The following CHIC2 variants were observed in gnomAD, a reference collection of about 807,000 sequenced individuals.
The protein encoded by CHIC2 is cysteine-rich hydrophobic domain-containing protein 2.
A neutral mutation model predicts 25.9 loss-of-function variants in CHIC2; 14 were observed. That is an observed-to-expected ratio of 0.54 (90% confidence interval 0.36 to 0.85). The LOEUF (loss-of-function observed/expected upper bound fraction) is 0.85, where lower values mean the gene tolerates loss of function less well. Among genes scored for constraint, CHIC2 ranks in the 40% least tolerant of loss-of-function variants. The pLI is 0.01. For synonymous variants in CHIC2, 70 were observed against 72.0 expected (o/e 0.97, Z 0.14); for missense variants, 146 against 202.0 (o/e 0.72, Z 1.68).
At chr4:54,075,695 AGGCACCTGCC>A in the CHIC2 span, among the ~76,000 whole-genome samples, 2 of 152,134 alleles carry the variant, frequency 1.3e-5, no homozygotes, top group Non-Finnish European at 2.9e-5. Context: ...CTGGGATTAC[AGGCACCTGCC>A]ACCATGGCTG....
chr4:54,087,114 ACTT>A, the CHIC2 span: 1 of 898,108 alleles, frequency 1.1e-6, no homozygotes, highest in African/African-American at 1.6e-5. Flanking sequence ...TCTGCAGAGA[ACTT>A]CTTAGCTTCA....
At chr4:54,073,965 G>A in the CHIC2 span, among the ~76,000 whole-genome samples, 1 of 152,220 alleles carries the variant, frequency 6.6e-6, no homozygotes, top group East Asian at 1.9e-4. Flanking sequence ...GACCATCCTG[G>A]CCAACTTGGT....
chr4:54,064,353 C>G lies in CHIC2; in HGVS notation c.-53G>C, dbSNP rs1577991950. 2.5e-6 allele frequency: 4 copies of G among 1,606,562 alleles called. No homozygotes were observed. Among genetic ancestry groups the G allele is most frequent in the Admixed American group, 3.4e-5 (2 of 58,912 alleles). On this transcript the variant is annotated 5_prime_UTR_variant, in exon 1 of 6. Coordinates refer to ENST00000263921, the MANE Select transcript of CHIC2 (RefSeq NM_012110.4). This position sits in a 1 kb window ranked among gnomAD's most constrained non-coding sequence, Gnocchi z 4.2. ...AGGGCCTGACTCCCGGGGTTGGCGC[C>G]GGGGTACCGGCGGGCGAGGCGGCGG...
At chr4:54,015,314 A>G (rs1715707285) in intron 3 of CHIC2, among the ~76,000 whole-genome samples, 1 of 152,100 alleles carries the variant, frequency 6.6e-6, no homozygotes, top group Non-Finnish European at 1.5e-5. Context: ...TTATTACATT[A>G]CTTTTTCTGA....
At position 54,064,523 on chromosome 4, in the gene CHIC2, A is replaced by C; in HGVS notation, c.-223T>G. 21 of 1,380,676 alleles carry C rather than the reference A, an allele frequency of 1.5e-5. No homozygotes were observed. Among genetic ancestry groups the C allele is most frequent in the East Asian group, 8.7e-5 (3 of 34,342 alleles). The allele number at this position is 1,380,676 out of a possible 1,614,324, so 85.5% of individuals were successfully genotyped here. ...TACCATCAGCAATAACAACAACACA[A>C]TGTCAACATCCGCCCAGAGGCCGAC... On this transcript the variant is annotated 5_prime_UTR_variant, in exon 1 of 6. Coordinates refer to ENST00000263921, the MANE Select transcript of CHIC2 (RefSeq NM_012110.4). The surrounding 1 kb of genome is among the most constrained non-coding windows in gnomAD (Gnocchi z 4.2).
intron 3 of CHIC2, among the ~76,000 whole-genome samples, chr4:54,021,193 C>T (rs137938106): frequency 1.3e-5 from 2 of 152,150 alleles, no homozygotes; most frequent in South Asian, 2.1e-4. Context: ...AATACAAACT[C>T]GATAATGGTT....
intron 1 of CHIC2, among the ~76,000 whole-genome samples, chr4:54,057,769 G>A (rs1253131918): frequency 6.6e-6 from 1 of 152,022 alleles, no homozygotes; most frequent in Non-Finnish European, 1.5e-5. Flanking sequence ...CAAAGATTAA[G>A]CAAAAAATAC....
intron 3 of CHIC2, among the ~76,000 whole-genome samples, chr4:54,037,378 C>T (rs1372766240): frequency 6.6e-6 from 1 of 151,904 alleles, no homozygotes; most frequent in Non-Finnish European, 1.5e-5. Context: ...AAAAATAAAA[C>T]AAGAAGACAA....
At position 54,038,587 on chromosome 4, in the gene CHIC2, T is replaced by TTG. The variant is rs1171392787; in HGVS notation, c.330+10367_330+10368insCA. ...TAAATTGAATGTAATTCCAATCAAA[T>TTG]ACCAGTGTTTCTTATAGATATTTGA... On this transcript the variant is annotated intron_variant, in intron 3 of 5. Transcript: ENST00000263921. Among the ~76,000 whole-genome samples, 15 of 152,334 alleles carry TTG rather than the reference T, an allele frequency of 9.8e-5. No individual in the cohort carries two copies. The East Asian group carries it at 2.9e-3, about 29-fold the overall frequency.
chr4:54,078,567 G>A, the CHIC2 span, among the ~76,000 whole-genome samples: 1 of 152,178 alleles, frequency 6.6e-6, no homozygotes, highest in African/African-American at 2.4e-5. Flanking sequence ...CAGGGCTGGA[G>A]TGCAGTGACA....
the CHIC2 span, among the ~76,000 whole-genome samples, chr4:54,080,156 GTATGTGTATATATA>G: frequency 4.2e-5 from 6 of 141,216 alleles, no homozygotes; most frequent in African/African-American, 1.3e-4. Context: ...ATGTGTATAT[GTATGTGTATATATA>G]TATGTGTATA....
chr4:54,038,166 G>GA (rs1716450497), intron 3 of CHIC2, among the ~76,000 whole-genome samples: 1 of 152,130 alleles, frequency 6.6e-6, no homozygotes, highest in Non-Finnish European at 1.5e-5. Flanking sequence ...AAAGTACACA[G>GA]ATTGGGAATA....
chr4:54,069,306 G>C (rs887464070), upstream of CHIC2, among the ~76,000 whole-genome samples: 8 of 152,166 alleles, frequency 5.3e-5, no homozygotes, highest in African/African-American at 1.9e-4. Flanking sequence ...TGAGATTATA[G>C]GCATGAGCCA....
chr4:54,066,028 C>G (rs1488100182), upstream of CHIC2, among the ~76,000 whole-genome samples: 2 of 152,166 alleles, frequency 1.3e-5, no homozygotes, highest in East Asian at 3.9e-4. Flanking sequence ...AGGCACAGGC[C>G]CTGACTTCTG....
At chr4:54,036,101 G>A (rs1185128514) in intron 3 of CHIC2, among the ~76,000 whole-genome samples, 2 of 152,094 alleles carry the variant, frequency 1.3e-5, no homozygotes, top group Non-Finnish European at 2.9e-5. Context: ...ATTAAGACTT[G>A]TTTAATTACT....
intron 1 of CHIC2, among the ~76,000 whole-genome samples, chr4:54,056,023 A>G (rs1717163493): frequency 6.6e-6 from 1 of 152,202 alleles, no homozygotes; most frequent in African/African-American, 2.4e-5. Context: ...CTCATTCAGG[A>G]AACTAGTGAA....
chr4:54,019,786 G>A (rs926566864), intron 3 of CHIC2, among the ~76,000 whole-genome samples: 1 of 151,962 alleles, frequency 6.6e-6, no homozygotes, highest in Non-Finnish European at 1.5e-5. Context: ...CGGTCTCAAA[G>A]GGTTCTTTTG....
intron 3 of CHIC2, among the ~76,000 whole-genome samples, chr4:54,041,870 G>T (rs1305773091): frequency 6.6e-6 from 1 of 152,094 alleles, no homozygotes; most frequent in East Asian, 1.9e-4. Context: ...GGGGTTGGGG[G>T]CTAGGGGAGG....
Position 54,060,207 on chromosome 4 carries a change from ATCC to A in CHIC2, c.119+3972_119+3974del, listed in dbSNP as rs200373882. 599 of 150,150 alleles carry A rather than the reference ATCC, an allele frequency of 4.0e-3. 5 individuals are homozygous for A. The highest frequency in any genetic ancestry group is 0.014 in the African/African-American group (540 of 39,480). 9.3% of individuals were successfully genotyped at this position (150,150 alleles called of 1,614,324 possible). A position where few individuals can be genotyped will look rare whatever the true frequency, so the allele number is the denominator to read the frequency against. Reference sequence around the variant, plus strand: ...GTCTCTTATTCAAAAGTCATATTCCATCCCAGTGTAGTTCCCAAACATTTTCAA... The same window carrying A: ...GTCTCTTATTCAAAAGTCATATTCCACAGTGTAGTTCCCAAACATTTTCAA... On this transcript the variant is annotated intron_variant, in intron 1 of 5. Coordinates refer to ENST00000263921, the MANE Select transcript of CHIC2 (RefSeq NM_012110.4).
Sources: allele counts gnomAD v4.1 joint callset (sites outside exome capture counted in the v4.1 genomes callset), GRCh38; gene constraint gnomAD v4.1.1; non-coding constraint Gnocchi (gnomAD v3.1); transcripts MANE v1.5; gene names NCBI Gene and HGNC (gene_info 2026-07-23, HGNC 2026-07-21).